KDM4A: variants seen among roughly 807,000 people sequenced by gnomAD.
KDM4A encodes the protein lysine-specific demethylase 4A.
A neutral mutation model predicts 127.1 loss-of-function variants in KDM4A; 23 were observed. That is an observed-to-expected ratio of 0.18 (90% CI 0.13 to 0.26). The LOEUF (loss-of-function observed/expected upper bound fraction) is 0.26. Among genes scored for constraint, KDM4A ranks in the 10% least tolerant of loss-of-function variants. The pLI is 1.00. For synonymous variants in KDM4A, 443 were observed against 466.5 expected (o/e 0.95, Z 0.65); for missense variants, 890 against 1,329.1 (o/e 0.67, Z 5.14).
At chr1:43,696,136 G>A (rs1189168104) in intron 18 of KDM4A, among the ~76,000 whole-genome samples, 1 of 152,144 alleles carries the variant, frequency 6.6e-6, no homozygotes, top group African/African-American at 2.4e-5. Flanking sequence ...GGGAGAAGCA[G>A]GTAGCAGAGC....
At chr1:43,683,065 G>A (rs1660893255) in intron 11 of KDM4A, among the ~76,000 whole-genome samples, 1 of 152,212 alleles carries the variant, frequency 6.6e-6, no homozygotes, top group Non-Finnish European at 1.5e-5. Context: ...TGCAAGCCAG[G>A]CCAGAGTTTC....
chr1:43,691,518 A>G lies in KDM4A; in HGVS notation c.2265A>G (p.Ala755=), dbSNP rs1362058481. Residue 755 remains alanine, a synonymous_variant, in exon 15 of 22, where the codon GCA becomes GCG. Transcript: ENST00000372396. ...TAGGTTGCTATGGGGTCCCCCCTGC[A>G]AAGGCTTCTGAAGACTGGATGTGTT... ...VHASCYGVPP[A]KASEDWMCSR... 2 of 1,613,564 alleles carry G rather than the reference A, an allele frequency of 1.2e-6. No homozygotes were observed. The highest frequency in any genetic ancestry group is 1.3e-5 in the African/African-American group (1 of 74,758).
intron 15 of KDM4A, among the ~76,000 whole-genome samples, chr1:43,691,922 C>T (rs532663142): frequency 6.6e-6 from 1 of 152,358 alleles, no homozygotes; most frequent in African/African-American, 2.4e-5. Context: ...CCCCTGGAAC[C>T]TGGCTGTACC....
chr1:43,703,117 C>T lies in KDM4A; in HGVS notation c.2842-500C>T, dbSNP rs216081. ...GCCACCACACCTGGCTAATTTTTTG[C>T]ATTTTTAGTAGAGATGGGGTTTCAC... On this transcript the variant is annotated intron_variant, in intron 19 of 21. Coordinates refer to ENST00000372396, the MANE Select transcript of KDM4A (RefSeq NM_014663.3). 1.8e-4 allele frequency among the ~76,000 whole-genome samples: 28 copies of T among 151,928 alleles called. 1 individual carries two copies. The highest frequency in any genetic ancestry group is 6.5e-4 in the African/African-American group (27 of 41,500).
intron 7 of KDM4A, 70 bp downstream of exon 7, chr1:43,666,625 T>C (rs1049863896): frequency 2.6e-5 from 32 of 1,242,384 alleles, no homozygotes; most frequent in Non-Finnish European, 3.3e-5. Context: ...AGTTTTATTC[T>C]AGTTCATCAC....
intron 4 of KDM4A, among the ~76,000 whole-genome samples, chr1:43,661,889 A>G (rs1341405221): frequency 1.3e-5 from 2 of 152,094 alleles, no homozygotes; most frequent in African/African-American, 2.4e-5. Flanking sequence ...CAACATTGCC[A>G]TAGTTTTTTG....
intron 15 of KDM4A, 106 bp downstream of exon 15, chr1:43,691,678 C>G: frequency 3.2e-6 from 3 of 951,456 alleles, no homozygotes; most frequent in Non-Finnish European, 5.1e-6. Context: ...TGCATAGGGT[C>G]TGGTACGCGG....
chr1:43,685,455 GT>G lies in KDM4A; in HGVS notation c.1855+1662del, dbSNP rs368697581. Among the ~76,000 whole-genome samples the G allele has an allele frequency of 8.6e-3, 1,256 of 146,496 alleles. 12 individuals carry two copies. Among genetic ancestry groups the G allele is most frequent in the African/African-American group, 0.03 (1,192 of 40,148 alleles). ...CTGATGTCAGTGCCCCATCTCTGCT[GT>G]TTTTTTTTTTCAGTAGAAAGATCAT... On this transcript the variant is annotated intron_variant, in intron 12 of 21. Coordinates refer to ENST00000372396, the MANE Select transcript of KDM4A (RefSeq NM_014663.3).
In KDM4A at chr1:43,689,522, C is replaced by T. The variant is rs1405610648; in HGVS notation, c.2037+427C>T. Among the ~76,000 whole-genome samples the T allele has an allele frequency of 3.9e-5, 6 of 152,292 alleles. No homozygotes were observed. The East Asian group carries it at 5.8e-4, about 15-fold the overall frequency. On this transcript the variant is annotated intron_variant, in intron 13 of 21. Transcript: ENST00000372396. ...TTTTTCCTTTCCCATTGCCACAATG[C>T]GTGTTGCCAGTAGCAGAAGGAACTT... is the stretch of plus-strand genomic sequence containing the variant.
intron 13 of KDM4A, chr1:43,690,514 C>T (rs1366968896): frequency 1.6e-5 from 6 of 374,940 alleles, no homozygotes; most frequent in Non-Finnish European, 3.0e-5. Context: ...TCCCGAAGTG[C>T]TGGAATTACA....
chr1:43,679,617 TAA>T (rs1411662440), intron 11 of KDM4A, among the ~76,000 whole-genome samples: 2 of 152,164 alleles, frequency 1.3e-5, no homozygotes, highest in African/African-American at 4.8e-5. Context: ...GTCAGTCTGG[TAA>T]ACTGCAGTTT....
chr1:43,667,708 C>T (rs965763420), intron 8 of KDM4A, 64 bp from the exon 9 acceptor site: 39 of 1,601,724 alleles, frequency 2.4e-5, no homozygotes, highest in African/African-American at 8.0e-5. Context: ...GGAGCTAGGA[C>T]GTGGGGGTGA....
chr1:43,669,499 G>A (rs1370865645), intron 10 of KDM4A, among the ~76,000 whole-genome samples, 200 bp downstream of exon 10: 1 of 152,156 alleles, frequency 6.6e-6, no homozygotes, highest in Non-Finnish European at 1.5e-5. Flanking sequence ...TCCTCCCTCT[G>A]CCTGGTCAGG....
In KDM4A at chr1:43,697,999, C is replaced by G; in HGVS notation, c.2827C>G (p.Pro943Ala). 1 of 1,613,224 alleles carries G rather than the reference C, an allele frequency of 6.2e-7. No homozygotes were observed. Among genetic ancestry groups the G allele is most frequent in the Non-Finnish European group, 8.5e-7 (1 of 1,179,860 alleles). The change falls in exon 19 of 22, where the codon CCT (proline) becomes GCT (alanine). Residue 943 changes from proline (P) to alanine (A), a missense_variant. Coordinates refer to ENST00000372396, the MANE Select transcript of KDM4A (RefSeq NM_014663.3). ...DDGSFSDNLY[P>A]EDIVSQDCLQ... ...TGGCTCCTTCAGCGACAATCTTTAT[C>G]CTGAGGACATAGTGGTAATATCTGC...
chr1:43,701,486 A>C (rs560533613), intron 19 of KDM4A, among the ~76,000 whole-genome samples: 3 of 152,052 alleles, frequency 2.0e-5, no homozygotes, highest in African/African-American at 7.2e-5. Context: ...TCTTTTTTTA[A>C]ATTTTCATAG....
chr1:43,689,575 T>C (rs1441597991), intron 13 of KDM4A, among the ~76,000 whole-genome samples: 3 of 152,302 alleles, frequency 2.0e-5, no homozygotes, highest in East Asian at 1.9e-4. Flanking sequence ...GGGCCTGATA[T>C]GTGAGGAGGG....
chr1:43,703,475 G>A lies in KDM4A; in HGVS notation c.2842-142G>A, dbSNP rs1570887581. 5.9e-6 allele frequency: 6 copies of A among 1,016,078 alleles called. No individual in the cohort carries two copies. The East Asian group carries it at 1.3e-4, about 22-fold the overall frequency. The allele number at this position is 1,016,078 out of a possible 1,614,324, so 62.9% of individuals were successfully genotyped here. The stretch of plus-strand genomic sequence containing the variant: ...CTTTGACTTAGCAAGGTCTTTAACT[G>A]TTAACATTTTTCAGCCCAGAGAGCT... On this transcript the variant is annotated intron_variant, in intron 19 of 21. Transcript: ENST00000372396.
chr1:43,662,295 T>C (rs933307261), intron 4 of KDM4A, among the ~76,000 whole-genome samples: 6 of 152,026 alleles, frequency 3.9e-5, no homozygotes, highest in African/African-American at 1.4e-4. Context: ...CAGTTCAAAC[T>C]TTTCCTCTTG....
chr1:43,679,352 T>C (rs1660807477), intron 11 of KDM4A, among the ~76,000 whole-genome samples: 1 of 152,184 alleles, frequency 6.6e-6, no homozygotes, highest in African/African-American at 2.4e-5. Flanking sequence ...AGGTTTGTTT[T>C]AGTAAGAAGC....
Sources: allele counts gnomAD v4.1 joint callset (sites outside exome capture counted in the v4.1 genomes callset), GRCh38; gene constraint gnomAD v4.1.1; transcripts MANE v1.5; gene names NCBI Gene and HGNC (gene_info 2026-07-23, HGNC 2026-07-21).